The following MAGI1 variants were observed in gnomAD, a reference collection of about 807,000 sequenced individuals.
The protein encoded by MAGI1 is membrane-associated guanylate kinase, WW and PDZ domain-containing protein 1.
MAGI1 carries 58 observed loss-of-function variants against 139.9 expected under a neutral mutation model. The observed-to-expected ratio is 0.41, with a 90% CI of 0.34 to 0.52. The LOEUF is 0.52. Among genes scored for constraint, MAGI1 ranks in the 20% least tolerant of loss-of-function variants. MAGI1 has a pLI of 0.12. For missense variants in MAGI1, 1,874 were observed against 1,901.6 expected (o/e 0.99, Z 0.27); for synonymous variants, 812 against 737.9 (o/e 1.10, Z -1.63).
At position 65,891,113 on chromosome 3, in the gene MAGI1, T is replaced by C. The variant is rs559831625; in HGVS notation, c.313+146883A>G. The stretch of plus-strand genomic sequence containing the variant: ...CTGTAGTCCTAGCTACTTGGGAGGC[T>C]GAGGTGGGAGGATAGCTTGAGCTCA... On this transcript the variant is annotated intron_variant, in intron 1 of 22. Coordinates refer to ENST00000402939, the MANE Select transcript of MAGI1 (RefSeq NM_001033057.2). Among the ~76,000 whole-genome samples, 18 of 150,910 alleles carry C rather than the reference T, an allele frequency of 1.2e-4. No individual in the cohort carries two copies. The South Asian group carries it at 3.8e-3, about 32-fold the overall frequency.
At chr3:65,759,700 G>C (rs1362293701) in intron 1 of MAGI1, among the ~76,000 whole-genome samples, 2 of 152,154 alleles carry the variant, frequency 1.3e-5, no homozygotes, top group African/African-American at 4.8e-5. Flanking sequence ...ATAAAAGAAA[G>C]GTCTTCATTT....
chr3:65,567,337 A>T (rs1218679283), intron 2 of MAGI1, among the ~76,000 whole-genome samples: 3 of 152,174 alleles, frequency 2.0e-5, no homozygotes, highest in Admixed American at 2.0e-4. Context: ...CTGACTGTGT[A>T]AAAAGTATGA....
intron 12 of MAGI1, 117 bp from the exon 13 acceptor site, chr3:65,401,587 T>C: frequency 6.4e-7 from 1 of 1,552,900 alleles, no homozygotes; most frequent in Non-Finnish European, 8.7e-7. Context: ...TCTGCAGAGT[T>C]ATGTCAGATT....
chr3:65,445,856 T>TA (rs1948644073), intron 7 of MAGI1, among the ~76,000 whole-genome samples: 1 of 151,938 alleles, frequency 6.6e-6, no homozygotes, highest in African/African-American at 2.4e-5. Flanking sequence ...ACAAAGAGGG[T>TA]TTCCTTGTCA....
At chr3:65,741,942 G>C (rs1478411272) in intron 1 of MAGI1, among the ~76,000 whole-genome samples, 1 of 152,130 alleles carries the variant, frequency 6.6e-6, no homozygotes, top group East Asian at 1.9e-4. Flanking sequence ...CCCGGAACTA[G>C]GTACAGCCTA....
At chr3:65,866,202 C>T (rs1370979588) in intron 1 of MAGI1, among the ~76,000 whole-genome samples, 1 of 146,402 alleles carries the variant, frequency 6.8e-6, no homozygotes, top group Non-Finnish European at 1.5e-5. Context: ...TTGGTATTTG[C>T]TGTTTTCAAT....
intron 1 of MAGI1, among the ~76,000 whole-genome samples, chr3:65,952,686 C>A (rs1475649952): frequency 6.6e-6 from 1 of 152,060 alleles, no homozygotes; most frequent in Non-Finnish European, 1.5e-5. Flanking sequence ...TGGTGGCGGG[C>A]GCCTGTAGTC....
chr3:65,762,786 T>C (rs189264158), intron 1 of MAGI1, among the ~76,000 whole-genome samples: 159 of 152,214 alleles, frequency 1.0e-3, no homozygotes, highest in African/African-American at 3.6e-3. Context: ...GAAACTGAGG[T>C]CCTCAGAAAT....
At chr3:65,467,268 T>TA (rs1950233164) in intron 5 of MAGI1, among the ~76,000 whole-genome samples, 3 of 152,218 alleles carry the variant, frequency 2.0e-5, no homozygotes, top group African/African-American at 7.2e-5. Flanking sequence ...CCAAAAACTA[T>TA]AAAACAAATG....
chr3:65,754,047 T>C (rs1244264534), intron 1 of MAGI1, among the ~76,000 whole-genome samples: 2 of 152,042 alleles, frequency 1.3e-5, no homozygotes, highest in Non-Finnish European at 2.9e-5. Flanking sequence ...ATCTTTCTCA[T>C]TGATCTTAGG....
Position 65,379,289 on chromosome 3 carries a change from C to T in MAGI1, c.2967G>A (p.Val989=), listed in dbSNP as rs1439716755. 6.2e-7 allele frequency: 1 copy of T among 1,613,058 alleles called. No homozygotes were observed. The highest frequency in any genetic ancestry group is 8.5e-7 in the Non-Finnish European group (1 of 1,179,514). ...AGGTCGTGCCTGCTTCGGGCCTGCT[C>T]ACCGAGGACACGATGACGAAGCCGA... ...EGFGFVIVSS[V]SRPEAGTTFG... is the part of the protein sequence containing the mutation. Residue 989 remains valine (V), a synonymous_variant, in exon 17 of 23, where the codon GTG becomes GTA. Transcript: ENST00000402939.
At chr3:65,492,408 G>T (rs907801728) in intron 3 of MAGI1, among the ~76,000 whole-genome samples, 3 of 152,208 alleles carry the variant, frequency 2.0e-5, no homozygotes, top group African/African-American at 7.2e-5. Context: ...TTAGAAATAT[G>T]AAACATTGAA....
At chr3:65,374,313 C>CTTTTTTTTTTTTTT in intron 18 of MAGI1, among the ~76,000 whole-genome samples, 1 of 95,054 alleles carries the variant, frequency 1.1e-5, no homozygotes, top group Non-Finnish European at 1.9e-5. Context: ...ATCAACTTAA[C>CTTTTTTTTTTTTTT]TTTTTTTTTT....
intron 1 of MAGI1, among the ~76,000 whole-genome samples, chr3:65,933,074 A>G (rs1023402680): frequency 1.3e-5 from 2 of 152,244 alleles, no homozygotes; most frequent in Middle Eastern, 3.2e-3. Flanking sequence ...ACTTGTTTCA[A>G]TAAGTATTTT....
chr3:65,407,931 A>G (rs1021391705), intron 12 of MAGI1, among the ~76,000 whole-genome samples: 1 of 152,292 alleles, frequency 6.6e-6, no homozygotes, highest in Admixed American at 6.5e-5. Flanking sequence ...CCTTTGGCTC[A>G]ATGACTTACT....
intron 1 of MAGI1, among the ~76,000 whole-genome samples, chr3:65,732,849 A>G (rs2034324527): frequency 1.3e-5 from 2 of 152,164 alleles, no homozygotes; most frequent in East Asian, 1.9e-4. Context: ...CAAAAAAACT[A>G]TGACTCTGAT....
At chr3:65,479,624 G>GA (rs1356234177) in intron 3 of MAGI1, among the ~76,000 whole-genome samples, 3 of 151,496 alleles carry the variant, frequency 2.0e-5, no homozygotes, top group Non-Finnish European at 4.4e-5. Flanking sequence ...TAGAATTTAA[G>GA]AAAAAAAGCA....
intron 1 of MAGI1, among the ~76,000 whole-genome samples, chr3:65,891,727 TG>T (rs1326621017): frequency 2.7e-5 from 2 of 74,044 alleles, no homozygotes; most frequent in African/African-American, 1.1e-4. Flanking sequence ...CCCTGTTGTC[TG>T]GGGCCTGTTG....
At chr3:65,709,052 C>T (rs1296574494) in intron 1 of MAGI1, among the ~76,000 whole-genome samples, 1 of 152,184 alleles carries the variant, frequency 6.6e-6, no homozygotes, top group Non-Finnish European at 1.5e-5. Context: ...GACAAGCCTG[C>T]ACATCTGGGC....
Sources: allele counts gnomAD v4.1 joint callset (sites outside exome capture counted in the v4.1 genomes callset), GRCh38; gene constraint gnomAD v4.1.1; transcripts MANE v1.5; gene names NCBI Gene and HGNC (gene_info 2026-07-23, HGNC 2026-07-21).